Variants in TRPM7 observed in about 807,000 individuals in gnomAD.
TRPM7 encodes the protein transient receptor potential cation channel subfamily M member 7, also known as LTRPC ion channel family member 7.
In TRPM7, 134 loss-of-function variants were observed where a neutral mutation model predicts 229.7. That is an observed-to-expected ratio of 0.58 (90% CI 0.51 to 0.67). The LOEUF (loss-of-function observed/expected upper bound fraction) is 0.67. Among genes scored for constraint, TRPM7 ranks in the 30% least tolerant of loss-of-function variants. The probability of loss-of-function intolerance (pLI) is 0.00; values close to 1 mark genes in which losing one functional copy is unlikely to be tolerated. For synonymous variants in TRPM7, 699 were observed against 715.2 expected, an observed-to-expected ratio of 0.98 and a Z score of 0.36; for missense variants, 1,901 against 2,210.0, an observed-to-expected ratio of 0.86 and a Z score of 2.80.
intron 36 of TRPM7, among the ~76,000 whole-genome samples, chr15:50,573,494 G>A (rs995482866): frequency 3.3e-5 from 5 of 152,170 alleles, no homozygotes; most frequent in African/African-American, 7.2e-5. Context: ...CTTTTGAGGT[G>A]ACAGCAGAGA....
In TRPM7 at chr15:50,637,862, A is replaced by G. The variant is rs546241443; in HGVS notation, c.661-269T>C. ...ATCACATGCAAAGAGAGAAGCAATA[A>G]ATAACTAAATAGTGCAAATAAACTA... On this transcript the variant is annotated intron_variant, in intron 6 of 38. Transcript: ENST00000646667. 9.8e-5 allele frequency among the ~76,000 whole-genome samples: 15 copies of G among 152,366 alleles called. No homozygotes were observed. In the East Asian group the frequency reaches 2.7e-3, roughly 27 times the overall value.
chr15:50,679,534 A>ATT (rs1468424653), intron 1 of TRPM7, among the ~76,000 whole-genome samples: 1 of 57,668 alleles, frequency 1.7e-5, no homozygotes, highest in African/African-American at 1.1e-4. Context: ...ATATATATAT[A>ATT]TATATTTTTT....
intron 1 of TRPM7, among the ~76,000 whole-genome samples, chr15:50,683,696 G>T (rs554689395): frequency 1.0e-3 from 159 of 152,164 alleles, no homozygotes; most frequent in African/African-American, 3.4e-3. Flanking sequence ...TCCAGCCTGG[G>T]TGACAAGAGC....
At chr15:50,635,664 C>CAA (rs765054880) in intron 7 of TRPM7, among the ~76,000 whole-genome samples, 961 of 56,480 alleles carry the variant, frequency 0.017, 127 homozygotes, top group African/African-American at 0.049. Context: ...CTCCATCTCC[C>CAA]AAAAAAAAAA....
At chr15:50,591,464 C>G (rs1362340656) in intron 26 of TRPM7, among the ~76,000 whole-genome samples, 1 of 151,194 alleles carries the variant, frequency 6.6e-6, no homozygotes, top group African/African-American at 2.4e-5. Flanking sequence ...TAGCCTAATT[C>G]AGTCTATTTC....
intron 1 of TRPM7, among the ~76,000 whole-genome samples, chr15:50,668,933 C>T (rs1191718183): frequency 6.6e-6 from 1 of 152,194 alleles, no homozygotes; most frequent in Non-Finnish European, 1.5e-5. Context: ...AGGAATCAAA[C>T]TTGACTTGTA....
rs1482799023 is a variant in TRPM7 at position 50,586,478 on chromosome 15, G to A, written c.4400C>T (p.Thr1467Ile). The change falls in exon 28 of 39, where the codon ACT becomes ATT. Residue 1467 changes from threonine (T) to isoleucine (I), a missense_variant. Coordinates refer to ENST00000646667, the MANE Select transcript of TRPM7 (RefSeq NM_017672.6). ...NKIKILSNNNTSENTLKRVSS... is the reference protein window; with the variant it reads ...NKIKILSNNNISENTLKRVSS... ...CACTCGTTTCAAAGTGTTTTCAGAA[G>A]TATTGTTATTCTGCAAATATTGTGC... The A allele has an allele frequency of 1.9e-6, 3 of 1,607,020 alleles. No individual in the cohort carries two copies. The highest frequency in any genetic ancestry group is 1.3e-5 in the African/African-American group (1 of 74,804).
In TRPM7 at chr15:50,648,777, T is replaced by C. The variant is rs371091010; in HGVS notation, c.231A>G (p.Glu77=). The change falls in exon 4 of 39, where the codon GAA becomes GAG. Residue 77 remains glutamate, a synonymous_variant. Coordinates refer to ENST00000646667, the MANE Select transcript of TRPM7 (RefSeq NM_017672.6). ...LGDHFNQAIE[E]WSVEKHTEQS... Reference sequence around the variant, plus strand: ...GTTCTGTATGCTTTTCCACAGACCATTCTTCTATTGCCTGATTAAAATGGT... The same window carrying C: ...GTTCTGTATGCTTTTCCACAGACCACTCTTCTATTGCCTGATTAAAATGGT... 39 of 1,613,604 alleles carry C rather than the reference T, an allele frequency of 2.4e-5. 1 individual carries two copies. Among genetic ancestry groups the C allele is most frequent in the Middle Eastern group, 1.6e-4 (1 of 6,080 alleles).
At chr15:50,663,448 A>G (rs187078155) in intron 1 of TRPM7, among the ~76,000 whole-genome samples, 97 of 152,202 alleles carry the variant, frequency 6.4e-4, no homozygotes, top group Non-Finnish European at 1.0e-3. Flanking sequence ...TATACTACAT[A>G]ATTTTTTATT....
intron 12 of TRPM7, among the ~76,000 whole-genome samples, chr15:50,623,811 G>GA (rs1323794395): frequency 6.6e-6 from 1 of 151,238 alleles, no homozygotes; most frequent in East Asian, 1.9e-4. Flanking sequence ...AAAAAAAAGA[G>GA]AAAAAAGCAA....
At chr15:50,673,343 C>T (rs1285776644) in intron 1 of TRPM7, among the ~76,000 whole-genome samples, 2 of 152,066 alleles carry the variant, frequency 1.3e-5, no homozygotes, top group African/African-American at 4.8e-5. Context: ...TTAGTGGTGA[C>T]TTGTGAGATT....
intron 29 of TRPM7, among the ~76,000 whole-genome samples, chr15:50,582,255 A>G (rs1440381203): frequency 2.0e-5 from 3 of 151,290 alleles, no homozygotes; most frequent in Non-Finnish European, 2.9e-5. Context: ...CACTGCACAC[A>G]GCCCCCACCG....
intron 17 of TRPM7, among the ~76,000 whole-genome samples, chr15:50,610,424 A>T (rs2140469032): frequency 6.6e-6 from 1 of 152,226 alleles, no homozygotes; most frequent in Non-Finnish European, 1.5e-5. Context: ...AATTTTACTT[A>T]TTACTTGCAA....
At chr15:50,599,828 A>T (rs1434150696) in intron 21 of TRPM7, among the ~76,000 whole-genome samples, 1 of 152,158 alleles carries the variant, frequency 6.6e-6, no homozygotes, top group East Asian at 1.9e-4. Context: ...CAAACAAAAC[A>T]ATCTGAATTA....
At position 50,634,508 on chromosome 15, in the gene TRPM7, G is replaced by A; in HGVS notation, c.881C>T (p.Pro294Leu). Residue 294 changes from proline to leucine, a missense_variant, in exon 8 of 39, where the codon CCA becomes CTA. Physicochemically the swap from Pro to Leu is moderately conservative, Grantham distance 98 (BLOSUM62 -3). This residue lies in a region of TRPM7 where 794 missense variants were observed against 881.9 expected (regional missense o/e 0.90). Transcript: ENST00000646667. ...PVVALIFEGGPNVILTVLEYL... is the reference protein window; with the variant it reads ...PVVALIFEGGLNVILTVLEYL... Reference sequence around the variant, plus strand: ...TTCAAGAACTGTGAGGATAACATTTGGCCCACCCTCAAATATAAGTGCCAC... The same window carrying A: ...TTCAAGAACTGTGAGGATAACATTTAGCCCACCCTCAAATATAAGTGCCAC... 6.4e-7 allele frequency: 1 copy of A among 1,566,980 alleles called. No homozygotes were observed. Among genetic ancestry groups the A allele is most frequent in the Non-Finnish European group, 8.6e-7 (1 of 1,161,244 alleles).
At chr15:50,617,062 G>C (rs757506754) in intron 13 of TRPM7, among the ~76,000 whole-genome samples, 2 of 151,562 alleles carry the variant, frequency 1.3e-5, no homozygotes, top group African/African-American at 2.4e-5. Flanking sequence ...AGGCGAGGTG[G>C]GTGGATCACC....
At position 50,592,536 on chromosome 15, in the gene TRPM7, G is replaced by A. The variant is rs1157621126; in HGVS notation, c.3699C>T (p.Gly1233=). The change falls in exon 26 of 39, where the codon GGC becomes GGT. Residue 1233 remains glycine, a synonymous_variant. Transcript: ENST00000646667. ...TCAGGGCTGAAAGATCTTGCAAATG[G>A]CCAATTTGAGAATCTAATGATTGTA... The part of the protein sequence containing the change: ...RSLQSLDSQI[G]HLQDLSALTV... The A allele has an allele frequency of 6.2e-7, 1 of 1,613,060 alleles. No individual in the cohort carries two copies. The highest frequency in any genetic ancestry group is 8.5e-7 in the Non-Finnish European group (1 of 1,179,988).
intron 29 of TRPM7, among the ~76,000 whole-genome samples, chr15:50,581,802 C>T (rs1038581990): frequency 6.6e-6 from 1 of 151,980 alleles, no homozygotes; most frequent in African/African-American, 2.4e-5. Context: ...TTTGTCTACT[C>T]TCTCAAGGCC....
At chr15:50,589,169 G>A (rs1312597286) in intron 27 of TRPM7, among the ~76,000 whole-genome samples, 1 of 151,854 alleles carries the variant, frequency 6.6e-6, no homozygotes, top group Non-Finnish European at 1.5e-5. Context: ...TAAAAATACA[G>A]AAATTAGCCA....
Sources: gnomAD v4.1 joint callset for allele counts (sites outside exome capture counted in the v4.1 genomes callset) on GRCh38, gnomAD v4.1.1 for gene constraint, gnomAD v4.1.1 regional missense constraint, MANE v1.5 for transcripts, NCBI Gene and HGNC (gene_info 2026-07-23, HGNC 2026-07-21) for gene names.